Variants in DSCAM observed in about 807,000 individuals in gnomAD.
DSCAM encodes DS cell adhesion molecule, also known as cell adhesion molecule DSCAM.
A neutral mutation model predicts 217.7 loss-of-function variants in DSCAM; 47 were observed. That is an observed-to-expected ratio of 0.22 (90% CI 0.17 to 0.28). The LOEUF is 0.28. Among genes scored for constraint, DSCAM ranks in the 10% least tolerant of loss-of-function variants. DSCAM has a pLI of 1.00. For missense variants in DSCAM, 2,080 were observed against 2,618.3 expected (o/e 0.79, Z 4.49); for synonymous variants, 1,056 against 1,015.3 (o/e 1.04, Z -0.76).
chr21:40,738,977 G>C (rs1041091034), intron 1 of DSCAM, among the ~76,000 whole-genome samples: 3 of 152,280 alleles, frequency 2.0e-5, no homozygotes, highest in African/African-American at 7.2e-5. Flanking sequence ...CAGGAAGAAG[G>C]GGGAGCATGA....
intron 3 of DSCAM, among the ~76,000 whole-genome samples, chr21:40,391,567 T>C (rs2123755481): frequency 6.6e-6 from 1 of 152,356 alleles, no homozygotes; most frequent in Non-Finnish European, 1.5e-5. Flanking sequence ...CTATGATTTA[T>C]CCTTCTCTCC....
chr21:40,504,949 T>C (rs1431352595), intron 3 of DSCAM, among the ~76,000 whole-genome samples: 1 of 152,206 alleles, frequency 6.6e-6, no homozygotes, highest in East Asian at 1.9e-4. Flanking sequence ...CATGTCTGCC[T>C]CTGAGGCTGG....
intron 8 of DSCAM, among the ~76,000 whole-genome samples, chr21:40,322,521 ATT>A (rs35377807): frequency 2.2e-4 from 33 of 148,220 alleles, no homozygotes; most frequent in Admixed American, 4.0e-4. Context: ...AGCGGGAGCA[ATT>A]TTTTTTTTTT....
intron 10 of DSCAM, among the ~76,000 whole-genome samples, chr21:40,294,134 A>G (rs368810269): frequency 1.3e-5 from 2 of 152,354 alleles, no homozygotes; most frequent in African/African-American, 4.8e-5. Context: ...TAAAGACAAA[A>G]AAGCTACTAT....
At chr21:40,503,724 C>G (rs546232824) in intron 3 of DSCAM, among the ~76,000 whole-genome samples, 11 of 152,192 alleles carry the variant, frequency 7.2e-5, no homozygotes, top group Non-Finnish European at 1.3e-4. Flanking sequence ...TACCCAGGGT[C>G]CTATTTTCTC....
chr21:40,259,823 G>A (rs771338137), intron 11 of DSCAM, among the ~76,000 whole-genome samples: 14 of 151,560 alleles, frequency 9.2e-5, no homozygotes, highest in East Asian at 3.9e-4. Context: ...ACAGGTGCCC[G>A]CCACCACACC....
chr21:40,102,877 A>T (rs1265631043), intron 20 of DSCAM, among the ~76,000 whole-genome samples: 1 of 152,046 alleles, frequency 6.6e-6, no homozygotes. Flanking sequence ...ACTGTGGGTT[A>T]TGGTCTTGCA....
chr21:40,047,842 C>A (rs1436186838), intron 30 of DSCAM, among the ~76,000 whole-genome samples: 1 of 152,240 alleles, frequency 6.6e-6, no homozygotes, highest in African/African-American at 2.4e-5. Context: ...CTCAGGGCCA[C>A]TGCTAGTCCC....
chr21:40,216,820 T>C (rs2091247938), intron 11 of DSCAM, among the ~76,000 whole-genome samples: 1 of 152,236 alleles, frequency 6.6e-6, no homozygotes, highest in African/African-American at 2.4e-5. Context: ...CTGGAGCTGC[T>C]GCCCTGTTAG....
intron 32 of DSCAM, among the ~76,000 whole-genome samples, chr21:40,029,078 C>CAA (rs2088464533): frequency 6.6e-6 from 1 of 152,060 alleles, no homozygotes; most frequent in Non-Finnish European, 1.5e-5. Context: ...AAACAGAAAA[C>CAA]AAAATTCTCT....
chr21:40,174,348 C>T (rs2090697211), intron 15 of DSCAM, among the ~76,000 whole-genome samples: 1 of 152,118 alleles, frequency 6.6e-6, no homozygotes, highest in Admixed American at 6.5e-5. Flanking sequence ...AATGAGATTT[C>T]CCAACATTAG....
At chr21:40,310,127 T>C (rs986035737) in intron 9 of DSCAM, among the ~76,000 whole-genome samples, 1 of 152,364 alleles carries the variant, frequency 6.6e-6, no homozygotes, top group South Asian at 2.1e-4. Flanking sequence ...TTCATCCTGG[T>C]CATCAGGACC....
chr21:40,798,244 GAA>G (rs2091708770), intron 1 of DSCAM, among the ~76,000 whole-genome samples: 1 of 151,672 alleles, frequency 6.6e-6, no homozygotes, highest in Admixed American at 6.6e-5. Flanking sequence ...TCTAAAAGAA[GAA>G]AAGAGTTAAA....
intron 11 of DSCAM, among the ~76,000 whole-genome samples, chr21:40,254,894 T>C (rs2073350814): frequency 6.6e-6 from 1 of 152,022 alleles, no homozygotes; most frequent in East Asian, 1.9e-4. Context: ...ACGTGCCATC[T>C]AGTAAGTGCC....
chr21:40,707,589 A>T (rs1256184978), intron 2 of DSCAM, among the ~76,000 whole-genome samples: 2 of 152,216 alleles, frequency 1.3e-5, no homozygotes, highest in African/African-American at 2.4e-5. Context: ...TGAAGAAATT[A>T]TTGCAAAGCT....
At position 40,438,831 on chromosome 21, in the gene DSCAM, C is replaced by T. The variant is rs143363233; in HGVS notation, c.509-69586G>A. Among the ~76,000 whole-genome samples the T allele has an allele frequency of 7.0e-3, 1,059 of 152,202 alleles. 17 individuals are homozygous for T. Among genetic ancestry groups the T allele is most frequent in the African/African-American group, 0.024 (993 of 41,530 alleles). On this transcript the variant is annotated intron_variant, in intron 3 of 32. Transcript: ENST00000400454. ...AGAGCTTGGTTCCTGGAGTTGGATT[C>T]ACAGATTTCACCCCTACACACTCTA...
intron 8 of DSCAM, among the ~76,000 whole-genome samples, chr21:40,317,456 G>A (rs1488615719): frequency 6.6e-6 from 1 of 152,196 alleles, no homozygotes; most frequent in Non-Finnish European, 1.5e-5. Flanking sequence ...GAGGGCAGGA[G>A]ATCTATCAAG....
intron 15 of DSCAM, among the ~76,000 whole-genome samples, chr21:40,175,780 TACACAC>T (rs35339524): frequency 4.1e-5 from 6 of 144,940 alleles, no homozygotes; most frequent in Admixed American, 6.8e-5. Context: ...AACACACACA[TACACAC>T]ACACACACAC....
chr21:40,023,257 T>G (rs2088310019), intron 32 of DSCAM, among the ~76,000 whole-genome samples: 1 of 152,148 alleles, frequency 6.6e-6, no homozygotes, highest in South Asian at 2.1e-4. Context: ...CACATTTTCT[T>G]AATCCAATCA....
Sources: allele counts gnomAD v4.1 joint callset (sites outside exome capture counted in the v4.1 genomes callset), GRCh38; gene constraint gnomAD v4.1.1; transcripts MANE v1.5; gene names NCBI Gene and HGNC (gene_info 2026-07-23, HGNC 2026-07-21).